RPS6KC1: variants seen among roughly 807,000 people sequenced by gnomAD.
RPS6KC1 encodes the protein ribosomal protein S6 kinase C1, also known as inactive ribosomal protein S6 kinase delta-1.
RPS6KC1 carries 54 observed loss-of-function variants against 103.8 expected under a neutral mutation model. The ratio of observed to expected loss-of-function variants is 0.52; its 90% CI spans 0.42 to 0.65. The LOEUF (loss-of-function observed/expected upper bound fraction) is 0.65, where lower values mean the gene tolerates loss of function less well. RPS6KC1 is among the 30% of genes least tolerant of loss of function. The probability of loss-of-function intolerance (pLI) is 0.00; values close to 1 mark genes in which losing one functional copy is unlikely to be tolerated. For synonymous variants in RPS6KC1, 439 were observed against 438.7 expected, an observed-to-expected ratio of 1.00 and a Z score of -0.01; for missense variants, 1,151 against 1,253.8, an observed-to-expected ratio of 0.92 and a Z score of 1.24.
At chr1:213,535,856 A>T in the RPS6KC1 span, among the ~76,000 whole-genome samples, 1 of 152,066 alleles carries the variant, frequency 6.6e-6, no homozygotes, top group East Asian at 1.9e-4. Context: ...TCACATGCTC[A>T]TTCCTGAACC....
chr1:213,658,753 T>TGGTGA, the RPS6KC1 span, among the ~76,000 whole-genome samples: 4 of 152,154 alleles, frequency 2.6e-5, no homozygotes. Flanking sequence ...TAAAAGGAAA[T>TGGTGA]GGTGAGTAGT....
chr1:213,822,256 A>G, the RPS6KC1 span: 1 of 152,198 alleles, frequency 6.6e-6, no homozygotes, highest in African/African-American at 2.4e-5. Flanking sequence ...TCTACATCCC[A>G]GGACATTCTT....
chr1:213,805,372 G>A, the RPS6KC1 span, among the ~76,000 whole-genome samples: 17 of 152,102 alleles, frequency 1.1e-4, no homozygotes, highest in South Asian at 1.0e-3. Flanking sequence ...CCCTGCTGCC[G>A]CTTTGCCAAC....
chr1:213,055,487 G>A (rs2077262224), intron 1 of RPS6KC1, among the ~76,000 whole-genome samples: 1 of 152,084 alleles, frequency 6.6e-6, no homozygotes, highest in African/African-American at 2.4e-5. Context: ...TATTTGGGTT[G>A]TTTCCAGTTT....
chr1:213,139,671 C>G (rs1381377422), intron 6 of RPS6KC1, among the ~76,000 whole-genome samples: 1 of 151,736 alleles, frequency 6.6e-6, no homozygotes, highest in African/African-American at 2.4e-5. Context: ...GGTTCCATAA[C>G]CTAGAAATAA....
chr1:213,695,972 T>G, the RPS6KC1 span, among the ~76,000 whole-genome samples: 10 of 152,228 alleles, frequency 6.6e-5, no homozygotes, highest in African/African-American at 2.4e-4. Flanking sequence ...ATCCTTACTT[T>G]AGCCTTAAAG....
intron 12 of RPS6KC1, among the ~76,000 whole-genome samples, chr1:213,256,109 T>C (rs114210328): frequency 0.016 from 2,455 of 152,320 alleles, 26 homozygotes; most frequent in Non-Finnish European, 0.025. Flanking sequence ...AGATTAAAGA[T>C]GACATTCAGC....
At chr1:213,064,470 C>T (rs1041912093) in intron 1 of RPS6KC1, among the ~76,000 whole-genome samples, 3 of 151,452 alleles carry the variant, frequency 2.0e-5, no homozygotes, top group East Asian at 1.9e-4. Flanking sequence ...CGGGTTCAAG[C>T]GATTCTCCTG....
chr1:213,516,917 G>T, the RPS6KC1 span, among the ~76,000 whole-genome samples: 64 of 152,234 alleles, frequency 4.2e-4, no homozygotes, highest in African/African-American at 1.4e-3. Context: ...CTGTTATTGG[G>T]CTATTCAGAG....
intron 3 of RPS6KC1, among the ~76,000 whole-genome samples, chr1:213,103,410 G>T (rs946865370): frequency 6.6e-6 from 1 of 152,092 alleles, no homozygotes; most frequent in African/African-American, 2.4e-5. Context: ...GGAACCTTAA[G>T]TACATTATCC....
the RPS6KC1 span, among the ~76,000 whole-genome samples, chr1:213,322,897 G>A: frequency 1.3e-4 from 18 of 139,898 alleles, no homozygotes; most frequent in Admixed American, 8.0e-4. Flanking sequence ...ACAGGTGCCC[G>A]CCACCATGCC....
chr1:213,267,797 A>G (rs561372882), intron 14 of RPS6KC1, among the ~76,000 whole-genome samples: 1 of 152,052 alleles, frequency 6.6e-6, no homozygotes, highest in South Asian at 2.1e-4. Flanking sequence ...ATTCACTAGA[A>G]AAAAAATGAC....
the RPS6KC1 span, among the ~76,000 whole-genome samples, chr1:213,304,595 T>C: frequency 6.6e-6 from 1 of 151,556 alleles, no homozygotes; most frequent in South Asian, 2.1e-4. Flanking sequence ...CAGGCTGGAG[T>C]GCAATGGTGC....
At chr1:213,125,622 CTGCTTG>C (rs1558370824) in intron 5 of RPS6KC1, 1 of 109,574 alleles carries the variant, frequency 9.1e-6, no homozygotes, top group African/African-American at 3.3e-5. Flanking sequence ...TCTTTTTTAT[CTGCTTG>C]TGTGTGTGTG....
the RPS6KC1 span, among the ~76,000 whole-genome samples, chr1:213,602,960 T>C: frequency 2.0e-5 from 3 of 152,126 alleles, no homozygotes. Context: ...TGAGTAAAGA[T>C]GATGTGGTTT....
At chr1:213,568,724 A>G in the RPS6KC1 span, among the ~76,000 whole-genome samples, 21 of 152,234 alleles carry the variant, frequency 1.4e-4, no homozygotes, top group African/African-American at 4.6e-4. Context: ...GCTCAGTGTT[A>G]CATGTTAGCA....
intron 2 of RPS6KC1, among the ~76,000 whole-genome samples, chr1:213,075,426 C>A (rs781504541): frequency 6.6e-6 from 1 of 152,134 alleles, no homozygotes; most frequent in African/African-American, 2.4e-5. Context: ...CATCTCACTG[C>A]GTATGCTGAG....
At chr1:213,695,123 A>C in the RPS6KC1 span, among the ~76,000 whole-genome samples, 6 of 152,206 alleles carry the variant, frequency 3.9e-5, no homozygotes, top group Non-Finnish European at 8.8e-5. Flanking sequence ...TGTCTGCAAC[A>C]CTGCCTGCCA....
At chr1:213,539,025 G>A in the RPS6KC1 span, among the ~76,000 whole-genome samples, 9 of 152,308 alleles carry the variant, frequency 5.9e-5, no homozygotes, top group South Asian at 2.1e-4. Flanking sequence ...GGACACAGCC[G>A]TTGGCTCTTT....
Sources: gnomAD v4.1 joint callset for allele counts (sites outside exome capture counted in the v4.1 genomes callset) on GRCh38, gnomAD v4.1.1 for gene constraint, MANE v1.5 for transcripts, NCBI Gene and HGNC (gene_info 2026-07-23, HGNC 2026-07-21) for gene names.